The following DLGAP2 variants were observed in gnomAD, a reference collection of about 807,000 sequenced individuals.
DLGAP2 encodes DLG associated protein 2, also known as disks large-associated protein 2.
Under a neutral mutation model 100.3 loss-of-function variants are expected in DLGAP2, and 26 were observed. The observed-to-expected ratio is 0.26, with a 90% CI of 0.19 to 0.36. The LOEUF is 0.36. Among genes scored for constraint, DLGAP2 ranks in the 10% least tolerant of loss-of-function variants. The pLI, the probability that DLGAP2 is intolerant of heterozygous loss-of-function variation, is 1.00. For missense variants in DLGAP2, 1,858 were observed against 1,453.2 expected, an observed-to-expected ratio of 1.28 and a Z score of -4.53; for synonymous variants, 886 against 630.1, an observed-to-expected ratio of 1.41 and a Z score of -6.08.
intron 3 of DLGAP2, among the ~76,000 whole-genome samples, chr8:1,438,787 T>G (rs1002650976): frequency 5.3e-5 from 8 of 152,188 alleles, no homozygotes; most frequent in Admixed American, 4.6e-4. Flanking sequence ...TCTAAAGATA[T>G]GTTGCTGGTT....
chr8:950,315 G>A (rs140911139), intron 2 of DLGAP2, among the ~76,000 whole-genome samples: 2 of 152,240 alleles, frequency 1.3e-5, no homozygotes, highest in East Asian at 1.9e-4. Context: ...TGACAGGGAC[G>A]CAGATTTACA....
chr8:1,178,594 G>T (rs1433037383), intron 2 of DLGAP2, among the ~76,000 whole-genome samples: 2 of 151,936 alleles, frequency 1.3e-5, no homozygotes, highest in Non-Finnish European at 2.9e-5. Context: ...CTTTTTTTTA[G>T]GTAAGCTTAG....
chr8:1,301,470 T>A (rs927798516), intron 3 of DLGAP2: 1 of 152,190 alleles, frequency 6.6e-6, no homozygotes, highest in Admixed American at 6.5e-5. Flanking sequence ...TGAAGTTTTT[T>A]TTGAAGATGA....
At chr8:1,213,208 C>T (rs1344298506) in intron 2 of DLGAP2, among the ~76,000 whole-genome samples, 2 of 152,282 alleles carry the variant, frequency 1.3e-5, no homozygotes, top group Middle Eastern at 6.8e-3. Context: ...GTCATACTCA[C>T]AGTCTTGTCT....
At chr8:1,116,778 G>A (rs1042638957) in intron 2 of DLGAP2, among the ~76,000 whole-genome samples, 2 of 152,008 alleles carry the variant, frequency 1.3e-5, no homozygotes, top group Non-Finnish European at 2.9e-5. Context: ...TCCAGCCTAG[G>A]TGACAGGGCA....
intron 3 of DLGAP2, chr8:1,373,591 G>A (rs1802307720): frequency 6.6e-6 from 1 of 152,238 alleles, no homozygotes. Flanking sequence ...CCAGTGAGGT[G>A]GCCACAGCGG....
At chr8:1,516,635 A>ATGAGTGAGTGAGTGACTGAG (rs1563196774) in intron 4 of DLGAP2, among the ~76,000 whole-genome samples, 3 of 144,308 alleles carry the variant, frequency 2.1e-5, no homozygotes, top group Non-Finnish European at 4.6e-5. Flanking sequence ...GAAGGAGTGA[A>ATGAGTGAGTGAGTGACTGAG]TGAGTGAGTG....
intron 2 of DLGAP2, among the ~76,000 whole-genome samples, chr8:1,189,522 T>C (rs144263934): frequency 4.6e-5 from 7 of 152,348 alleles, no homozygotes; most frequent in East Asian, 1.9e-4. Flanking sequence ...GTTTACACTT[T>C]AAGGATTATG....
At chr8:1,283,957 T>C (rs934771432) in intron 3 of DLGAP2, among the ~76,000 whole-genome samples, 26 of 152,230 alleles carry the variant, frequency 1.7e-4, no homozygotes, top group African/African-American at 5.5e-4. Context: ...TAAAGTAACG[T>C]TCAAAGTGAT....
intron 4 of DLGAP2, among the ~76,000 whole-genome samples, chr8:1,522,840 C>T (rs1407865583): frequency 1.3e-5 from 2 of 152,170 alleles, no homozygotes; most frequent in Admixed American, 6.5e-5. Context: ...CATGGGATAT[C>T]AAGAGGCTAT....
At chr8:1,670,729 C>T (rs922367200) in intron 10 of DLGAP2, among the ~76,000 whole-genome samples, 1 of 152,212 alleles carries the variant, frequency 6.6e-6, no homozygotes, top group Non-Finnish European at 1.5e-5. Context: ...TCTGTGCATC[C>T]TGTGAGCTGG....
At chr8:1,173,283 C>G (rs1014993844) in intron 2 of DLGAP2, among the ~76,000 whole-genome samples, 4 of 152,176 alleles carry the variant, frequency 2.6e-5, no homozygotes, top group South Asian at 2.1e-4. Flanking sequence ...AGGTGTCAGT[C>G]TGCCCCTACT....
rs1220313997 is a variant in DLGAP2, at chr8:1,361,310, C to G, written c.106+102427C>G. Among the ~76,000 whole-genome samples, 7 of 152,234 alleles carry G rather than the reference C, an allele frequency of 4.6e-5. No individual in the cohort carries two copies. In the East Asian group the frequency reaches 1.3e-3, roughly 29 times the overall value. On this transcript the variant is annotated intron_variant, in intron 3 of 14. Coordinates refer to ENST00000637795, the MANE Select transcript of DLGAP2 (RefSeq NM_001346810.2). The stretch of plus-strand genomic sequence containing the variant: ...GGATCACATTCTCCCCAACACACAA[C>G]TTTAGAGTAGACTTTTATCCCTCCA...
At chr8:1,351,067 A>T (rs1486437897) in intron 3 of DLGAP2, among the ~76,000 whole-genome samples, 9 of 22,516 alleles carry the variant, frequency 4.0e-4, no homozygotes, top group South Asian at 2.5e-3. Flanking sequence ...GCAGATCCTG[A>T]GTGTGTGTGG....
chr8:1,047,126 G>GT (rs1255544666), intron 2 of DLGAP2, among the ~76,000 whole-genome samples: 1 of 152,124 alleles, frequency 6.6e-6, no homozygotes, highest in Non-Finnish European at 1.5e-5. Context: ...CCCCTAACTG[G>GT]TTGGCAGTCA....
chr8:1,518,296 G>T (rs1345493472), intron 4 of DLGAP2, among the ~76,000 whole-genome samples: 2 of 152,174 alleles, frequency 1.3e-5, no homozygotes, highest in South Asian at 4.1e-4. Flanking sequence ...ATCCTCATCT[G>T]CCAGGACACA....
intron 2 of DLGAP2, among the ~76,000 whole-genome samples, chr8:1,092,403 G>A (rs1325294694): frequency 1.3e-5 from 2 of 152,238 alleles, no homozygotes; most frequent in African/African-American, 2.4e-5. Context: ...TGCCGTCAGC[G>A]ATCCCGGGGC....
At chr8:1,542,322 G>A (rs1801389970) in intron 4 of DLGAP2, among the ~76,000 whole-genome samples, 1 of 152,234 alleles carries the variant, frequency 6.6e-6, no homozygotes. Context: ...AGATTTACAG[G>A]TATGTGCAAC....
At chr8:1,119,124 G>A (rs1795974777) in intron 2 of DLGAP2, among the ~76,000 whole-genome samples, 1 of 152,148 alleles carries the variant, frequency 6.6e-6, no homozygotes, top group African/African-American at 2.4e-5. Flanking sequence ...TCCCATTTAA[G>A]TACTGATTTG....
Sources: allele counts gnomAD v4.1 joint callset (sites outside exome capture counted in the v4.1 genomes callset), GRCh38; gene constraint gnomAD v4.1.1; transcripts MANE v1.5; gene names NCBI Gene and HGNC (gene_info 2026-07-23, HGNC 2026-07-21).